SPAG16: variants seen among roughly 807,000 people sequenced by gnomAD.
The protein encoded by SPAG16 is sperm associated antigen 16, also known as sperm-associated antigen 16 protein.
A neutral mutation model predicts 80.4 loss-of-function variants in SPAG16; 86 were observed. The ratio of observed to expected loss-of-function variants is 1.07; its 90% CI spans 0.90 to 1.28. The LOEUF (loss-of-function observed/expected upper bound fraction) is 1.28. SPAG16 is among the 50% of genes most tolerant of loss of function. The probability of loss-of-function intolerance (pLI) is 0.00; values close to 1 mark genes in which losing one functional copy is unlikely to be tolerated. For synonymous variants in SPAG16, 294 were observed against 265.9 expected (o/e 1.11, Z -1.03); for missense variants, 870 against 765.3 (o/e 1.14, Z -1.61).
intron 10 of SPAG16, among the ~76,000 whole-genome samples, chr2:213,609,767 C>T (rs2061383259): frequency 1.3e-5 from 2 of 152,128 alleles, no homozygotes; most frequent in Non-Finnish European, 1.5e-5. Flanking sequence ...AATTTCTTGA[C>T]TCAGCAAATT....
At chr2:214,132,142 C>T (rs1211265101) in intron 14 of SPAG16, among the ~76,000 whole-genome samples, 1 of 152,120 alleles carries the variant, frequency 6.6e-6, no homozygotes, top group African/African-American at 2.4e-5. Context: ...GTGGGTATAT[C>T]GGGTATAATT....
intron 10 of SPAG16, among the ~76,000 whole-genome samples, chr2:213,514,012 C>T (rs778191619): frequency 2.0e-5 from 3 of 151,866 alleles, no homozygotes; most frequent in African/African-American, 4.8e-5. Flanking sequence ...GAGGAAGGAG[C>T]GGTAAATAGA....
chr2:213,312,886 A>C (rs1051556206), intron 4 of SPAG16, among the ~76,000 whole-genome samples: 2 of 151,778 alleles, frequency 1.3e-5, no homozygotes, highest in Non-Finnish European at 3.0e-5. Context: ...TTAAGTTTTA[A>C]AGCCAGAGCC....
chr2:213,354,147 G>A (rs1295556218), intron 7 of SPAG16, among the ~76,000 whole-genome samples: 1 of 152,120 alleles, frequency 6.6e-6, no homozygotes, highest in African/African-American at 2.4e-5. Context: ...TTGGTTTTCT[G>A]TACCTGTGAT....
intron 15 of SPAG16, among the ~76,000 whole-genome samples, chr2:214,157,550 A>G (rs1237709109): frequency 6.6e-6 from 1 of 152,064 alleles, no homozygotes; most frequent in Admixed American, 6.6e-5. Context: ...ACAACCAAAA[A>G]TATATTAATT....
chr2:214,032,137 A>G (rs2048446840), intron 13 of SPAG16, among the ~76,000 whole-genome samples: 1 of 152,094 alleles, frequency 6.6e-6, no homozygotes, highest in African/African-American at 2.4e-5. Context: ...TCCCAAATAA[A>G]TGAACTTCAA....
intron 15 of SPAG16, among the ~76,000 whole-genome samples, chr2:214,351,629 G>A (rs1698411893): frequency 6.6e-6 from 1 of 152,120 alleles, no homozygotes; most frequent in Non-Finnish European, 1.5e-5. Context: ...CGTGAACCCA[G>A]GAGGCGGAGC....
intron 15 of SPAG16, among the ~76,000 whole-genome samples, chr2:214,392,470 T>G: frequency 6.6e-6 from 1 of 152,140 alleles, no homozygotes; most frequent in East Asian, 1.9e-4. Context: ...ATCTTATCCC[T>G]GTACTCACCC....
intron 15 of SPAG16, among the ~76,000 whole-genome samples, chr2:214,161,194 G>C (rs1404518127): frequency 1.3e-5 from 2 of 152,026 alleles, no homozygotes; most frequent in African/African-American, 4.8e-5. Context: ...TCTTTATCCA[G>C]TCTATTATTG....
chr2:213,953,663 A>T (rs969011055), intron 12 of SPAG16, among the ~76,000 whole-genome samples: 1 of 151,996 alleles, frequency 6.6e-6, no homozygotes, highest in Non-Finnish European at 1.5e-5. Flanking sequence ...GAATTTTTTC[A>T]TAAAGTTTAC....
At chr2:213,412,253 A>G (rs1458988359) in intron 9 of SPAG16, among the ~76,000 whole-genome samples, 2 of 152,208 alleles carry the variant, frequency 1.3e-5, no homozygotes, top group South Asian at 2.1e-4. Context: ...AAATTAGCCA[A>G]TCGGAATTAG....
intron 11 of SPAG16, among the ~76,000 whole-genome samples, chr2:213,922,547 G>A (rs191113423): frequency 2.6e-5 from 4 of 152,216 alleles, no homozygotes; most frequent in Admixed American, 2.0e-4. Flanking sequence ...ATTTCAGCCT[G>A]GTTAAGAACT....
At chr2:214,350,315 C>T (rs1485170906) in intron 15 of SPAG16, among the ~76,000 whole-genome samples, 1 of 152,198 alleles carries the variant, frequency 6.6e-6, no homozygotes, top group Non-Finnish European at 1.5e-5. Context: ...ATAATAGACA[C>T]TTTGATATTG....
rs539653211 is a variant in SPAG16, at chr2:213,400,757, C to T, written c.942+25638C>T. Among the ~76,000 whole-genome samples, 53 of 152,136 alleles carry T rather than the reference C, an allele frequency of 3.5e-4. 1 individual carries two copies. In the South Asian group the frequency reaches 0.011, roughly 31 times the overall value. On this transcript the variant is annotated intron_variant, in intron 9 of 15. Coordinates refer to ENST00000331683, the MANE Select transcript of SPAG16 (RefSeq NM_024532.5). ...ATTACCTTTCAGAAATATTTACTCC[C>T]TCCCATCATTTTAAAGAAAGGATTC...
At chr2:213,886,740 GA>G (rs1006786255) in intron 11 of SPAG16, among the ~76,000 whole-genome samples, 44 of 146,592 alleles carry the variant, frequency 3.0e-4, no homozygotes, top group African/African-American at 6.7e-4. Flanking sequence ...AACCGTTTAT[GA>G]AAAAAAAAAC....
intron 15 of SPAG16, among the ~76,000 whole-genome samples, chr2:214,218,120 C>T (rs2058478104): frequency 6.6e-6 from 1 of 152,154 alleles, no homozygotes; most frequent in South Asian, 2.1e-4. Flanking sequence ...CATTGTTTTA[C>T]ATTTTTCAAA....
chr2:214,013,398 C>G (rs996808256), intron 12 of SPAG16, among the ~76,000 whole-genome samples: 5 of 152,036 alleles, frequency 3.3e-5, no homozygotes, highest in African/African-American at 1.2e-4. Context: ...TAATGTTAAC[C>G]ATAGTCACCC....
intron 15 of SPAG16, among the ~76,000 whole-genome samples, chr2:214,312,296 A>C (rs990890127): frequency 3.3e-5 from 5 of 152,228 alleles, no homozygotes; most frequent in African/African-American, 1.2e-4. Flanking sequence ...ATTATCTCTC[A>C]GTTTATGCAC....
At chr2:214,306,915 G>A (rs1694957603) in intron 15 of SPAG16, among the ~76,000 whole-genome samples, 1 of 152,160 alleles carries the variant, frequency 6.6e-6, no homozygotes, top group Non-Finnish European at 1.5e-5. Flanking sequence ...GAATTAGGGG[G>A]GAGTCCCTCC....
Sources: allele counts gnomAD v4.1 joint callset (sites outside exome capture counted in the v4.1 genomes callset), GRCh38; gene constraint gnomAD v4.1.1; transcripts MANE v1.5; gene names NCBI Gene and HGNC (gene_info 2026-07-23, HGNC 2026-07-21).